Variants in ALK observed in about 807,000 individuals in gnomAD.
ALK encodes ALK receptor tyrosine kinase.
ALK carries 74 observed loss-of-function variants against 163.1 expected under a neutral mutation model. The observed-to-expected ratio is 0.45, with a 90% CI of 0.38 to 0.55. ALK has a LOEUF of 0.55. ALK is among the 20% of genes least tolerant of loss of function. The pLI is 0.00. For synonymous variants in ALK, 960 were observed against 843.2 expected (o/e 1.14, Z -2.40); for missense variants, 2,063 against 2,105.3 (o/e 0.98, Z 0.39).
rs566960820 is a variant in ALK at position 29,219,145 on chromosome 2, G to GTGT, written c.3645+1558_3645+1560dup. On this transcript the variant is annotated intron_variant, in intron 23 of 28. Transcript: ENST00000389048. Reference sequence around the variant, plus strand: ...ACCTGCATTGTCTGTTCATAGGGTGGTGTTGAGAAATGTGAAAGGTCTGAG... The same window carrying GTGT: ...ACCTGCATTGTCTGTTCATAGGGTGGTGTTGTTGAGAAATGTGAAAGGTCTGAG... Among the ~76,000 whole-genome samples the GTGT allele has an allele frequency of 2.3e-4, 35 of 152,308 alleles. No individual in the cohort carries two copies. In the East Asian group the frequency reaches 4.4e-3, roughly 19 times the overall value.
chr2:29,200,721 G>A (rs185201540), intron 26 of ALK, among the ~76,000 whole-genome samples: 17 of 141,794 alleles, frequency 1.2e-4, no homozygotes, highest in African/African-American at 3.7e-4. Flanking sequence ...ATATACATAC[G>A]TATATATGTA....
At chr2:29,748,334 T>C (rs1178366303) in intron 1 of ALK, among the ~76,000 whole-genome samples, 1 of 152,194 alleles carries the variant, frequency 6.6e-6, no homozygotes, top group Non-Finnish European at 1.5e-5. Flanking sequence ...GTGTGTTGAC[T>C]AAACTATGAA....
intron 28 of ALK, among the ~76,000 whole-genome samples, chr2:29,196,018 C>A (rs1307856731): frequency 6.6e-6 from 1 of 152,066 alleles, no homozygotes; most frequent in Non-Finnish European, 1.5e-5. Context: ...TTATGATGAT[C>A]TCCACCCTCT....
intron 1 of ALK, among the ~76,000 whole-genome samples, chr2:29,837,026 C>T (rs1041572202): frequency 6.6e-6 from 1 of 152,196 alleles, no homozygotes; most frequent in Admixed American, 6.5e-5. Flanking sequence ...AATCCCTGAT[C>T]CCACTGTGAA....
At chr2:29,648,989 C>T (rs1222243886) in intron 3 of ALK, among the ~76,000 whole-genome samples, 35 of 152,138 alleles carry the variant, frequency 2.3e-4, no homozygotes, top group Non-Finnish European at 1.0e-4. Context: ...TATCAACTGA[C>T]TTCTAGGTCC....
Position 29,920,404 on chromosome 2 carries a change from C to T in ALK, c.256G>A (p.Glu86Lys), listed in dbSNP as rs1448609696. The change falls in exon 1 of 29, where the codon GAG becomes AAG. Residue 86 changes from glutamate to lysine, a missense_variant. Glu to Lys is a moderately conservative substitution (Grantham distance 56). This residue lies in a region of ALK where 987 missense variants were observed against 939.5 expected (regional missense o/e 1.05). Coordinates refer to ENST00000389048, the MANE Select transcript of ALK (RefSeq NM_004304.5). Reference protein sequence around the residue: ...SSSELKAGRPEARGSLALDCA... With the variant: ...SSSELKAGRPKARGSLALDCA... Reference sequence around the variant, plus strand: ...TCCAGAGCTAGCGAGCCGCGGGCCTCGGGCCTGCCAGCCTTCAGCTCCGAG... The same window carrying T: ...TCCAGAGCTAGCGAGCCGCGGGCCTTGGGCCTGCCAGCCTTCAGCTCCGAG... 5.1e-6 allele frequency: 8 copies of T among 1,580,230 alleles called. No homozygotes were observed. The highest frequency in any genetic ancestry group is 6.0e-6 in the Non-Finnish European group (7 of 1,163,820).
chr2:29,852,103 G>T (rs1046421164), intron 1 of ALK, among the ~76,000 whole-genome samples: 1 of 152,202 alleles, frequency 6.6e-6, no homozygotes, highest in African/African-American at 2.4e-5. Context: ...TCCCTTAGAT[G>T]CCAGCACAGG....
At chr2:29,646,274 C>T (rs1207210728) in intron 3 of ALK, among the ~76,000 whole-genome samples, 1 of 152,094 alleles carries the variant, frequency 6.6e-6, no homozygotes. Flanking sequence ...ATTCTATGTC[C>T]AAGTCATTGG....
intron 5 of ALK, among the ~76,000 whole-genome samples, chr2:29,380,636 G>A (rs947521882): frequency 1.5e-4 from 23 of 152,086 alleles, no homozygotes; most frequent in African/African-American, 5.1e-4. Context: ...GTTTCTCCAT[G>A]TTGGTCAGGC....
chr2:29,655,133 C>A (rs981570211), intron 3 of ALK, among the ~76,000 whole-genome samples: 3 of 152,090 alleles, frequency 2.0e-5, no homozygotes, highest in Non-Finnish European at 4.4e-5. Flanking sequence ...CAAGAATAAG[C>A]CATGTCTGTC....
At chr2:29,608,187 T>G (rs1399385937) in intron 3 of ALK, among the ~76,000 whole-genome samples, 1 of 152,222 alleles carries the variant, frequency 6.6e-6, no homozygotes, top group Non-Finnish European at 1.5e-5. Context: ...TGCCTCCCAG[T>G]GCTCCCTTGC....
At chr2:29,736,007 C>A (rs983962564) in intron 1 of ALK, among the ~76,000 whole-genome samples, 2 of 151,958 alleles carry the variant, frequency 1.3e-5, no homozygotes, top group Non-Finnish European at 2.9e-5. Context: ...ACTGAGCCAT[C>A]GAAAAGTAAC....
chr2:29,664,391 C>A (rs115250504), intron 3 of ALK, among the ~76,000 whole-genome samples: 1,854 of 152,160 alleles, frequency 0.012, 46 homozygotes, highest in African/African-American at 0.043. Flanking sequence ...TCTTTAGTTA[C>A]CAAAACAGAC....
intron 5 of ALK, among the ~76,000 whole-genome samples, chr2:29,370,410 C>T (rs898412417): frequency 1.3e-5 from 2 of 152,162 alleles, no homozygotes; most frequent in Non-Finnish European, 2.9e-5. Flanking sequence ...TACAGACAGC[C>T]TAGGATGGGA....
intron 4 of ALK, among the ~76,000 whole-genome samples, chr2:29,452,840 C>T (rs1435590384): frequency 1.3e-5 from 2 of 152,138 alleles, no homozygotes; most frequent in African/African-American, 4.8e-5. Flanking sequence ...TAATGTAGAA[C>T]CTCAGTCTAC....
chr2:29,727,642 G>C (rs1218217562), intron 1 of ALK, among the ~76,000 whole-genome samples: 1 of 152,164 alleles, frequency 6.6e-6, no homozygotes, highest in Non-Finnish European at 1.5e-5. Flanking sequence ...AGAAATCCTT[G>C]TGCTTTTACT....
intron 5 of ALK, among the ~76,000 whole-genome samples, chr2:29,373,008 C>T (rs575810759): frequency 2.2e-4 from 33 of 152,168 alleles, no homozygotes; most frequent in African/African-American, 5.3e-4. Flanking sequence ...TTTTAAGGAA[C>T]GATTCCAGAG....
chr2:29,299,454 A>G (rs1666304536), intron 8 of ALK, among the ~76,000 whole-genome samples: 3 of 152,240 alleles, frequency 2.0e-5, no homozygotes, highest in Admixed American at 2.0e-4. Flanking sequence ...GACCTCTAGA[A>G]TCAGAGAGTT....
intron 26 of ALK, among the ~76,000 whole-genome samples, chr2:29,205,499 A>G (rs1669288835): frequency 6.6e-6 from 1 of 152,232 alleles, no homozygotes; most frequent in South Asian, 2.1e-4. Context: ...TGAAGGCCGG[A>G]CATCTGAAAC....
Sources: allele counts gnomAD v4.1 joint callset (sites outside exome capture counted in the v4.1 genomes callset), GRCh38; gene constraint gnomAD v4.1.1; regional missense constraint gnomAD v4.1.1; transcripts MANE v1.5; gene names NCBI Gene and HGNC (gene_info 2026-07-23, HGNC 2026-07-21).